Variants in NEBL observed in about 807,000 individuals in gnomAD.
NEBL encodes the protein LIM and SH3 protein 2.
Under a neutral mutation model 140.2 loss-of-function variants are expected in NEBL, and 122 were observed. The ratio of observed to expected loss-of-function variants is 0.87; its 90% CI spans 0.75 to 1.01. NEBL has a LOEUF of 1.01. Ranked by LOEUF, NEBL falls within the 50% of genes least tolerant of loss-of-function variation. The probability of loss-of-function intolerance (pLI) is 0.00; values close to 1 mark genes in which losing one functional copy is unlikely to be tolerated. For synonymous variants in NEBL, 436 were observed against 398.9 expected, an observed-to-expected ratio of 1.09 and a Z score of -1.11; for missense variants, 1,365 against 1,231.3, an observed-to-expected ratio of 1.11 and a Z score of -1.62.
intron 2 of NEBL, among the ~76,000 whole-genome samples, chr10:21,066,971 C>CTT (rs56352671): frequency 0.033 from 3,689 of 112,702 alleles, 243 homozygotes; most frequent in East Asian, 0.11. Context: ...AATAATTTAA[C>CTT]TTTTTTTTTT....
chr10:20,910,544 C>A (rs186449245), intron 4 of NEBL, among the ~76,000 whole-genome samples: 1 of 152,216 alleles, frequency 6.6e-6, no homozygotes, highest in African/African-American at 2.4e-5. Context: ...CTGCATGAAC[C>A]ATGGTCAGAG....
intron 7 of NEBL, among the ~76,000 whole-genome samples, chr10:20,862,971 T>C (rs1003327739): frequency 6.6e-6 from 1 of 152,158 alleles, no homozygotes; most frequent in African/African-American, 2.4e-5. Flanking sequence ...CAGTGCATAA[T>C]AATCACATCA....
chr10:20,842,006 C>A (rs371494020), intron 12 of NEBL, among the ~76,000 whole-genome samples: 2 of 151,968 alleles, frequency 1.3e-5, no homozygotes, highest in Non-Finnish European at 1.5e-5. Context: ...TACTTAATTG[C>A]GTATGAAAAT....
chr10:21,215,000 C>T (rs1364918325), intron 3 of NEBL, among the ~76,000 whole-genome samples: 1 of 152,184 alleles, frequency 6.6e-6, no homozygotes, highest in Non-Finnish European at 1.5e-5. Context: ...TGCCACCTGC[C>T]TCACCCCACC....
At chr10:21,098,604 TC>T (rs1184258312) in intron 2 of NEBL, among the ~76,000 whole-genome samples, 2 of 152,258 alleles carry the variant, frequency 1.3e-5, no homozygotes, top group South Asian at 4.1e-4. Context: ...TCTTAAAAAT[TC>T]CTCCCTTCCC....
chr10:21,114,731 G>A (rs1044510467), intron 2 of NEBL, among the ~76,000 whole-genome samples: 5 of 151,710 alleles, frequency 3.3e-5, no homozygotes, highest in African/African-American at 9.7e-5. Context: ...TTTGATTAAC[G>A]CTGGCATGCT....
intron 1 of NEBL, among the ~76,000 whole-genome samples, chr10:21,260,949 G>A (rs1250511249): frequency 6.6e-6 from 1 of 152,182 alleles, no homozygotes; most frequent in African/African-American, 2.4e-5. Context: ...TGGTGCACGG[G>A]AGCACTGGTG....
At chr10:21,107,214 A>G (rs1411754823) in intron 2 of NEBL, among the ~76,000 whole-genome samples, 2 of 152,200 alleles carry the variant, frequency 1.3e-5, no homozygotes, top group Admixed American at 6.6e-5. Flanking sequence ...AATTTCCAGC[A>G]CTACGTTGAA....
At chr10:21,226,666 A>G (rs775107875) in intron 3 of NEBL, among the ~76,000 whole-genome samples, 6 of 152,142 alleles carry the variant, frequency 3.9e-5, no homozygotes, top group African/African-American at 1.2e-4. Flanking sequence ...CTGAGTTCCA[A>G]TACCAAATCC....
chr10:21,007,005 T>A (rs1026456355), intron 3 of NEBL, among the ~76,000 whole-genome samples: 8 of 152,166 alleles, frequency 5.3e-5, no homozygotes, highest in Admixed American at 5.2e-4. Context: ...TCAAAGAATT[T>A]GGCATCTGAT....
intron 2 of NEBL, among the ~76,000 whole-genome samples, chr10:21,023,205 C>T (rs1043903958): frequency 6.6e-5 from 10 of 152,162 alleles, no homozygotes; most frequent in Admixed American, 6.5e-4. Flanking sequence ...CTGAGATTTT[C>T]AGGTCTCTAC....
At chr10:20,934,696 C>G (rs1311378131) in intron 4 of NEBL, among the ~76,000 whole-genome samples, 1 of 152,120 alleles carries the variant, frequency 6.6e-6, no homozygotes, top group Non-Finnish European at 1.5e-5. Flanking sequence ...CCTTTTAAGC[C>G]CCCTCTCTGC....
intron 2 of NEBL, among the ~76,000 whole-genome samples, chr10:21,063,453 A>G (rs1446570781): frequency 6.6e-6 from 1 of 152,248 alleles, no homozygotes; most frequent in Non-Finnish European, 1.5e-5. Flanking sequence ...ACAAGTCATA[A>G]TAAACAACAT....
chr10:20,852,406 G>C, intron 10 of NEBL, 139 bp downstream of exon 10: 3 of 698,280 alleles, frequency 4.3e-6, no homozygotes, highest in Non-Finnish European at 7.8e-6. Context: ...ATTTTCAAAA[G>C]TAATGTTAAT....
At chr10:21,229,042 GA>G (rs1036503299) in intron 3 of NEBL, among the ~76,000 whole-genome samples, 91 of 146,142 alleles carry the variant, frequency 6.2e-4, no homozygotes, top group South Asian at 1.5e-3. Context: ...GTGTAAGTGG[GA>G]AAAAAAAAAA....
At chr10:20,819,538 A>G in intron 19 of NEBL, 22 bp from the exon 20 acceptor site, 1 of 1,613,672 alleles carries the variant, frequency 6.2e-7, no homozygotes, top group Admixed American at 1.7e-5. Flanking sequence ...GGTGCAAGAC[A>G]GTTTGAGATT....
chr10:21,271,207 G>T (rs1476678794), intron 1 of NEBL, among the ~76,000 whole-genome samples: 1 of 152,148 alleles, frequency 6.6e-6, no homozygotes, highest in African/African-American at 2.4e-5. Context: ...GCAACAACAT[G>T]AATGAACCTA....
upstream of NEBL, among the ~76,000 whole-genome samples, chr10:21,175,481 G>A (rs541971052): frequency 2.0e-5 from 3 of 152,318 alleles, no homozygotes; most frequent in African/African-American, 4.8e-5. Flanking sequence ...CCACTGCTCT[G>A]ACAAATATTT....
At chr10:20,974,400 T>G (rs548552927) in intron 3 of NEBL, among the ~76,000 whole-genome samples, 1 of 151,870 alleles carries the variant, frequency 6.6e-6, no homozygotes, top group Non-Finnish European at 1.5e-5. Flanking sequence ...ACTACAGGCA[T>G]GCTCCACCAC....
Sources: allele counts gnomAD v4.1 joint callset (sites outside exome capture counted in the v4.1 genomes callset), GRCh38; gene constraint gnomAD v4.1.1; transcripts MANE v1.5; gene names NCBI Gene and HGNC (gene_info 2026-07-23, HGNC 2026-07-21).